The following PIAS1 variants were observed in gnomAD, a reference collection of about 807,000 sequenced individuals.
PIAS1 encodes protein inhibitor of activated STAT 1, also known as E3 SUMO-protein ligase PIAS1.
A neutral mutation model predicts 71.3 loss-of-function variants in PIAS1; 6 were observed. The ratio of observed to expected loss-of-function variants is 0.08; its 90% CI spans 0.05 to 0.17. PIAS1 has a LOEUF of 0.17. PIAS1 is among the 10% of genes least tolerant of loss of function. The pLI, the probability that PIAS1 is intolerant of heterozygous loss-of-function variation, is 1.00. For missense variants in PIAS1, 555 were observed against 793.6 expected (o/e 0.70, Z 3.61); for synonymous variants, 303 against 292.9 (o/e 1.03, Z -0.35).
intron 2 of PIAS1, among the ~76,000 whole-genome samples, chr15:68,127,775 A>C (rs2092661219): frequency 6.6e-6 from 1 of 151,810 alleles, no homozygotes; most frequent in Non-Finnish European, 1.5e-5. Flanking sequence ...GTATTTATTT[A>C]TTTTTGAGAT....
intron 1 of PIAS1, among the ~76,000 whole-genome samples, chr15:68,072,475 T>C (rs930758246): frequency 6.6e-6 from 1 of 150,688 alleles, no homozygotes; most frequent in Non-Finnish European, 1.5e-5. Flanking sequence ...TTTTCCACAT[T>C]GAAACTATGT....
At chr15:68,150,980 A>G (rs752922723) in intron 6 of PIAS1, among the ~76,000 whole-genome samples, 8 of 152,164 alleles carry the variant, frequency 5.3e-5, no homozygotes, top group Non-Finnish European at 8.8e-5. Flanking sequence ...GTATATTTCA[A>G]TTACAGAGAA....
chr15:68,150,384 G>C lies in PIAS1; in HGVS notation c.829-3206G>C, dbSNP rs117325448. Among the ~76,000 whole-genome samples the C allele has an allele frequency of 6.2e-3, 945 of 152,200 alleles. 10 individuals are homozygous for C. Among genetic ancestry groups the C allele is most frequent in the Non-Finnish European group, 0.011 (727 of 67,990 alleles). Reference sequence around the variant, plus strand: ...AAAGATTTGAAGACATTTTTCTGGGGAAGTAAAACACTAAATCAGCATTAT... The same window carrying C: ...AAAGATTTGAAGACATTTTTCTGGGCAAGTAAAACACTAAATCAGCATTAT... On this transcript the variant is annotated intron_variant, in intron 6 of 13. Coordinates refer to ENST00000249636, the MANE Select transcript of PIAS1 (RefSeq NM_016166.3).
chr15:68,100,949 G>A (rs2092419143), intron 2 of PIAS1, among the ~76,000 whole-genome samples: 1 of 151,420 alleles, frequency 6.6e-6, no homozygotes, highest in East Asian at 2.0e-4. Flanking sequence ...AGGGTGGAGG[G>A]CAGTGGCATG....
chr15:68,077,843 A>G (rs2092185835), intron 1 of PIAS1, among the ~76,000 whole-genome samples: 2 of 152,250 alleles, frequency 1.3e-5, no homozygotes, highest in Admixed American at 6.5e-5. Flanking sequence ...GAAATAGTTC[A>G]GTACCACCCC....
intron 2 of PIAS1, among the ~76,000 whole-genome samples, chr15:68,100,695 A>G (rs2092416066): frequency 6.6e-6 from 1 of 152,088 alleles, no homozygotes; most frequent in African/African-American, 2.4e-5. Flanking sequence ...GCTGGGCTGT[A>G]TGGTAGTTTT....
At chr15:68,142,095 T>G in intron 3 of PIAS1, 65 bp downstream of exon 3, 4 of 1,153,970 alleles carry the variant, frequency 3.5e-6, no homozygotes, top group Non-Finnish European at 3.8e-6. Flanking sequence ...AATAAATGAT[T>G]TTAAAAAACA....
Position 68,054,584 on chromosome 15 carries a change from G to C in PIAS1, c.24+234G>C. The C allele has an allele frequency of 2.2e-6, 1 of 457,918 alleles. No individual in the cohort carries two copies. The highest frequency in any genetic ancestry group is 3.6e-5 in the South Asian group (1 of 27,852). The allele number at this position is 457,918 out of a possible 1,614,324, so 28.4% of individuals were successfully genotyped here. Reference sequence around the variant, plus strand: ...TCGTCCCCGGCGTGTTATTGTTGTGGGCGCCTCTGGCGGGGGTGGCGGGGG... The same window carrying C: ...TCGTCCCCGGCGTGTTATTGTTGTGCGCGCCTCTGGCGGGGGTGGCGGGGG... On this transcript the variant is annotated intron_variant, in intron 1 of 13. Transcript: ENST00000249636. This position sits in a 1 kb window ranked among gnomAD's most constrained non-coding sequence, Gnocchi z 4.6.
chr15:68,120,407 T>C (rs927394682), intron 2 of PIAS1, among the ~76,000 whole-genome samples: 2 of 152,204 alleles, frequency 1.3e-5, no homozygotes, highest in African/African-American at 4.8e-5. Context: ...TATTCCTCTT[T>C]CCCCTTTTTC....
intron 8 of PIAS1, among the ~76,000 whole-genome samples, chr15:68,170,611 T>C (rs1483646687): frequency 6.6e-6 from 1 of 152,122 alleles, no homozygotes; most frequent in African/African-American, 2.4e-5. Flanking sequence ...ATTTAAAATA[T>C]TTTTCTTTCT....
At chr15:68,081,730 T>C (rs2092231331) in intron 1 of PIAS1, among the ~76,000 whole-genome samples, 1 of 150,050 alleles carries the variant, frequency 6.7e-6, no homozygotes, top group Non-Finnish European at 1.5e-5. Flanking sequence ...AAAAAGAAAA[T>C]AGAGTAAAGG....
chr15:68,176,085 A>G (rs1000255332), intron 10 of PIAS1, among the ~76,000 whole-genome samples: 1 of 151,858 alleles, frequency 6.6e-6, no homozygotes. Flanking sequence ...TTCTTTTTTC[A>G]TTTATTTATT....
At chr15:68,180,127 G>A (rs184338218) in intron 11 of PIAS1, among the ~76,000 whole-genome samples, 4 of 152,052 alleles carry the variant, frequency 2.6e-5, no homozygotes, top group South Asian at 2.1e-4. Flanking sequence ...TTTGAGACAG[G>A]CTCTTGCTCT....
At chr15:68,136,945 A>G (rs1007602027) in intron 2 of PIAS1, among the ~76,000 whole-genome samples, 1 of 152,218 alleles carries the variant, frequency 6.6e-6, no homozygotes, top group Admixed American at 6.5e-5. Context: ...AAATTCAGCA[A>G]ATAACAAAAC....
intron 2 of PIAS1, among the ~76,000 whole-genome samples, chr15:68,131,677 A>C (rs1204844128): frequency 6.6e-6 from 1 of 152,108 alleles, no homozygotes; most frequent in Non-Finnish European, 1.5e-5. Flanking sequence ...AAATGACAGA[A>C]TCTCTCTCTG....
chr15:68,145,373 G>A (rs548245821), intron 4 of PIAS1, among the ~76,000 whole-genome samples: 1 of 152,252 alleles, frequency 6.6e-6, no homozygotes, highest in African/African-American at 2.4e-5. Context: ...ACTGCATACA[G>A]GTGGTAGGTC....
At chr15:68,130,470 G>T (rs2092682184) in intron 2 of PIAS1, among the ~76,000 whole-genome samples, 1 of 151,670 alleles carries the variant, frequency 6.6e-6, no homozygotes, top group African/African-American at 2.4e-5. Flanking sequence ...TGTATAAAAT[G>T]TGATATACTG....
intron 8 of PIAS1, 104 bp downstream of exon 8, chr15:68,164,908 G>A (rs2092947460): frequency 3.2e-6 from 2 of 632,174 alleles, no homozygotes; most frequent in Admixed American, 5.4e-5. Context: ...TCTAAAATAT[G>A]TCCACCATTG....
chr15:68,115,478 A>C (rs76300011), intron 2 of PIAS1, among the ~76,000 whole-genome samples: 2,116 of 152,182 alleles, frequency 0.014, 51 homozygotes, highest in African/African-American at 0.048. Flanking sequence ...AATTTTCTAC[A>C]TAGGTCATAT....
Sources: allele counts gnomAD v4.1 joint callset (sites outside exome capture counted in the v4.1 genomes callset), GRCh38; gene constraint gnomAD v4.1.1; non-coding constraint Gnocchi (gnomAD v3.1); transcripts MANE v1.5; gene names NCBI Gene and HGNC (gene_info 2026-07-23, HGNC 2026-07-21).